ASTN2: variants seen among roughly 807,000 people sequenced by gnomAD.
ASTN2 encodes astrotactin 2.
A neutral mutation model predicts 139.8 loss-of-function variants in ASTN2; 54 were observed. The observed-to-expected ratio is 0.39, with a 90% CI of 0.31 to 0.48. The LOEUF is 0.48. ASTN2 is among the 20% of genes least tolerant of loss of function. The pLI is 0.95. For missense variants in ASTN2, 1,565 were observed against 1,725.1 expected (o/e 0.91, Z 1.64); for synonymous variants, 756 against 719.5 (o/e 1.05, Z -0.81).
intron 19 of ASTN2, among the ~76,000 whole-genome samples, chr9:116,501,073 C>G (rs920984087): frequency 6.6e-6 from 1 of 152,152 alleles, no homozygotes; most frequent in African/African-American, 2.4e-5. Flanking sequence ...TAACTAATAG[C>G]TGGGATATCT....
chr9:116,665,532 C>T (rs932999878), intron 16 of ASTN2, among the ~76,000 whole-genome samples: 2 of 152,076 alleles, frequency 1.3e-5, no homozygotes, highest in South Asian at 2.1e-4. Flanking sequence ...GCAATAAATA[C>T]CCCTACTGCC....
intron 16 of ASTN2, among the ~76,000 whole-genome samples, chr9:116,652,413 T>C (rs770777445): frequency 6.6e-6 from 1 of 152,224 alleles, no homozygotes; most frequent in Non-Finnish European, 1.5e-5. Context: ...TTTTGCAAGA[T>C]ATAAATATTC....
At chr9:116,805,109 AGTGTGTGTGTGTGTGTGT>A (rs10681699) in intron 13 of ASTN2, among the ~76,000 whole-genome samples, 17 of 143,132 alleles carry the variant, frequency 1.2e-4, no homozygotes, top group Non-Finnish European at 1.8e-4. Flanking sequence ...GGATTTGGGG[AGTGTGTGTGTGTGTGTGT>A]GTGTGTGTGT....
At chr9:117,089,084 C>T (rs542737085) in intron 5 of ASTN2, among the ~76,000 whole-genome samples, 2 of 152,188 alleles carry the variant, frequency 1.3e-5, no homozygotes, top group African/African-American at 2.4e-5. Context: ...TGCTGAGGCT[C>T]CATTTTCTCA....
At chr9:116,592,446 A>G (rs935943903) in intron 19 of ASTN2, among the ~76,000 whole-genome samples, 4 of 152,074 alleles carry the variant, frequency 2.6e-5, no homozygotes, top group African/African-American at 4.8e-5. Context: ...ACAGCCACAA[A>G]GGGGAAATGC....
intron 1 of ASTN2, among the ~76,000 whole-genome samples, chr9:117,365,268 A>G (rs1338958800): frequency 6.6e-6 from 1 of 151,880 alleles, no homozygotes; most frequent in Non-Finnish European, 1.5e-5. Context: ...AGAGAGAAAA[A>G]AAGACAGAAA....
At chr9:116,649,701 T>C (rs1857799426) in intron 17 of ASTN2, among the ~76,000 whole-genome samples, 2 of 152,142 alleles carry the variant, frequency 1.3e-5, no homozygotes, top group Admixed American at 1.3e-4. Context: ...TGAATATATA[T>C]CCTGTGCTTT....
At chr9:116,677,095 A>C (rs1645268670) in intron 16 of ASTN2, among the ~76,000 whole-genome samples, 1 of 152,194 alleles carries the variant, frequency 6.6e-6, no homozygotes, top group Non-Finnish European at 1.5e-5. Flanking sequence ...AAAGTGGATA[A>C]ACAAACTATA....
chr9:116,469,278 G>A (rs1254338175), intron 20 of ASTN2, among the ~76,000 whole-genome samples: 3 of 152,022 alleles, frequency 2.0e-5, no homozygotes, highest in Non-Finnish European at 4.4e-5. Flanking sequence ...CATCCTGGCT[G>A]CTAAAAACTT....
chr9:116,986,986 T>G (rs1396254999), intron 7 of ASTN2, among the ~76,000 whole-genome samples: 1 of 152,196 alleles, frequency 6.6e-6, no homozygotes, highest in Non-Finnish European at 1.5e-5. Context: ...AATCCTGCCC[T>G]GGTTCTGCAG....
intron 19 of ASTN2, among the ~76,000 whole-genome samples, chr9:116,501,995 C>T (rs1202313480): frequency 6.6e-6 from 1 of 151,946 alleles, no homozygotes; most frequent in Non-Finnish European, 1.5e-5. Flanking sequence ...CTGGAGGCAA[C>T]AAGCCTCCAG....
intron 20 of ASTN2, among the ~76,000 whole-genome samples, chr9:116,449,575 G>A (rs1192836379): frequency 6.6e-6 from 1 of 152,020 alleles, no homozygotes; most frequent in Non-Finnish European, 1.5e-5. Context: ...TTCTATAATG[G>A]CTTTAAAACA....
chr9:116,646,154 G>A (rs546906323), intron 17 of ASTN2, among the ~76,000 whole-genome samples: 3 of 152,336 alleles, frequency 2.0e-5, no homozygotes, highest in African/African-American at 7.2e-5. Context: ...CAAGCCGGTA[G>A]AGCAAAGAAC....
intron 5 of ASTN2, among the ~76,000 whole-genome samples, chr9:117,082,326 C>T (rs1022109349): frequency 1.3e-5 from 2 of 152,172 alleles, no homozygotes; most frequent in Non-Finnish European, 2.9e-5. Context: ...TTCAGTGGCT[C>T]ACCTTCTTGG....
intron 1 of ASTN2, among the ~76,000 whole-genome samples, chr9:117,310,774 G>A (rs1007680020): frequency 3.9e-5 from 6 of 152,004 alleles, no homozygotes; most frequent in African/African-American, 1.2e-4. Flanking sequence ...ACAAGCACGC[G>A]CCACCACACC....
chr9:116,863,772 T>G (rs1314323806), intron 10 of ASTN2, 39 bp from the exon 11 acceptor site: 13 of 1,559,766 alleles, frequency 8.3e-6, no homozygotes, highest in Non-Finnish European at 1.1e-5. Flanking sequence ...CAGAGACATT[T>G]GGATCCTTAG....
chr9:117,195,321 A>G (rs1037327848), intron 3 of ASTN2, among the ~76,000 whole-genome samples: 3 of 152,178 alleles, frequency 2.0e-5, no homozygotes, highest in Non-Finnish European at 4.4e-5. Context: ...TAATCATGGC[A>G]CATACAAAGG....
At chr9:116,629,435 C>T (rs989288957) in intron 17 of ASTN2, among the ~76,000 whole-genome samples, 1 of 152,078 alleles carries the variant, frequency 6.6e-6, no homozygotes, top group African/African-American at 2.4e-5. Flanking sequence ...GTAATTCTTA[C>T]AGATGAGCAA....
At chr9:116,610,024 T>C (rs1018036508) in intron 19 of ASTN2, among the ~76,000 whole-genome samples, 4 of 151,106 alleles carry the variant, frequency 2.6e-5, no homozygotes, top group African/African-American at 9.7e-5. Context: ...CAAAAGAAGA[T>C]AGAAAAAGAA....
Sources: allele counts gnomAD v4.1 joint callset (sites outside exome capture counted in the v4.1 genomes callset), GRCh38; gene constraint gnomAD v4.1.1; transcripts MANE v1.5; gene names NCBI Gene and HGNC (gene_info 2026-07-23, HGNC 2026-07-21).